The following AIG1 variants were observed in gnomAD, a reference collection of about 807,000 sequenced individuals.
The protein encoded by AIG1 is androgen induced 1, also known as androgen-induced gene 1 protein.
A neutral mutation model predicts 31.4 loss-of-function variants in AIG1; 23 were observed. The ratio of observed to expected loss-of-function variants is 0.73; its 90% CI spans 0.53 to 1.04. The LOEUF (loss-of-function observed/expected upper bound fraction) is 1.04, where lower values mean the gene tolerates loss of function less well. Among genes scored for constraint, AIG1 ranks in the 50% least tolerant of loss-of-function variants. The pLI, the probability that AIG1 is intolerant of heterozygous loss-of-function variation, is 0.00. For missense variants in AIG1, 274 were observed against 295.0 expected (o/e 0.93, Z 0.52); for synonymous variants, 100 against 110.5 (o/e 0.90, Z 0.60).
intron 1 of AIG1, among the ~76,000 whole-genome samples, chr6:143,109,586 C>A (rs1781095389): frequency 6.6e-6 from 1 of 152,048 alleles, no homozygotes; most frequent in Non-Finnish European, 1.5e-5. Context: ...ATTGGCTATG[C>A]AGTAATCTTT....
At chr6:143,142,126 A>G (rs1201773401) in intron 2 of AIG1, among the ~76,000 whole-genome samples, 1 of 151,988 alleles carries the variant, frequency 6.6e-6, no homozygotes, top group Admixed American at 6.6e-5. Flanking sequence ...CCCAGGCTGG[A>G]ATGTAGTGCA....
chr6:143,194,101 T>C (rs1458675796), intron 3 of AIG1, among the ~76,000 whole-genome samples: 2 of 152,188 alleles, frequency 1.3e-5, no homozygotes, highest in Non-Finnish European at 2.9e-5. Context: ...TAGTCCACTC[T>C]CACACTGCTA....
At chr6:143,103,856 C>T (rs1780561240) in intron 1 of AIG1, among the ~76,000 whole-genome samples, 1 of 152,122 alleles carries the variant, frequency 6.6e-6, no homozygotes, top group South Asian at 2.1e-4. Context: ...CTTAAAGGAG[C>T]ATTACCTGGG....
intron 3 of AIG1, among the ~76,000 whole-genome samples, chr6:143,194,799 G>A (rs971440164): frequency 2.0e-5 from 3 of 152,208 alleles, no homozygotes; most frequent in South Asian, 2.1e-4. Context: ...ATGCTGTCCC[G>A]CAGCAGCACC....
intron 4 of AIG1, among the ~76,000 whole-genome samples, chr6:143,324,935 T>A (rs546602620): frequency 6.6e-6 from 1 of 152,314 alleles, no homozygotes; most frequent in East Asian, 1.9e-4. Context: ...CAGAATAGGA[T>A]GAAATTTGGC....
In AIG1 at chr6:143,124,597, T is replaced by C. The variant is rs578018605; in HGVS notation, c.142-12238T>C. Among the ~76,000 whole-genome samples the C allele has an allele frequency of 5.3e-5, 8 of 152,312 alleles. No individual in the cohort carries two copies. The East Asian group carries it at 1.5e-3, about 29-fold the overall frequency. ...CACCTTTTCCAGTGAGGTCTTGTAT[T>C]AGTCTGTTCTCACACTGCTATGAAG... On this transcript the variant is annotated intron_variant, in intron 1 of 5. Transcript: ENST00000357847.
At chr6:143,314,048 GAAGA>G (rs1002929611) in intron 4 of AIG1, among the ~76,000 whole-genome samples, 10 of 151,634 alleles carry the variant, frequency 6.6e-5, no homozygotes, top group Admixed American at 5.9e-4. Context: ...TACAAACTGG[GAAGA>G]AAGAAAAAAT....
chr6:143,120,905 G>A (rs1455534573), intron 1 of AIG1, among the ~76,000 whole-genome samples: 3 of 152,190 alleles, frequency 2.0e-5, no homozygotes, highest in Non-Finnish European at 4.4e-5. Flanking sequence ...ATGAGGGCAA[G>A]GAACACCTGG....
At chr6:143,204,056 G>A (rs1790912596) in intron 3 of AIG1, among the ~76,000 whole-genome samples, 1 of 152,190 alleles carries the variant, frequency 6.6e-6, no homozygotes, top group Non-Finnish European at 1.5e-5. Context: ...CAGATTTGTA[G>A]ATAGAAGAAG....
At chr6:143,260,976 T>A (rs1660325456) in intron 3 of AIG1, among the ~76,000 whole-genome samples, 1 of 152,074 alleles carries the variant, frequency 6.6e-6, no homozygotes, top group African/African-American at 2.4e-5. Context: ...TGGTTTCAGC[T>A]CTTTAGCTGG....
At chr6:143,257,056 A>G (rs889965133) in intron 3 of AIG1, among the ~76,000 whole-genome samples, 5 of 152,248 alleles carry the variant, frequency 3.3e-5, no homozygotes, top group Non-Finnish European at 5.9e-5. Context: ...CATTTAAGAT[A>G]TCTTATGGCT....
intron 1 of AIG1, among the ~76,000 whole-genome samples, chr6:143,077,239 G>T (rs1056973377): frequency 1.3e-5 from 2 of 152,132 alleles, no homozygotes; most frequent in Non-Finnish European, 2.9e-5. Flanking sequence ...CAATAAATAT[G>T]TTAAAGAACT....
intron 1 of AIG1, among the ~76,000 whole-genome samples, chr6:143,123,709 T>C (rs1387857670): frequency 1.3e-5 from 2 of 152,214 alleles, no homozygotes; most frequent in South Asian, 2.1e-4. Context: ...TGGGCTACTT[T>C]CTATTTTTTG....
At chr6:143,287,753 A>C (rs1583746906) in intron 4 of AIG1, among the ~76,000 whole-genome samples, 2 of 151,436 alleles carry the variant, frequency 1.3e-5, no homozygotes, top group South Asian at 2.1e-4. Context: ...AAAAAAAAAA[A>C]AAAAAAAAAA....
rs1178961236 is a variant in AIG1 at position 143,291,355 on chromosome 6, C to G, written c.515+7130C>G. ...CAGCAGGAAACCATGGGGTGTGCTG[C>G]CCTGGACAGGAGCCAGGGGGTGTTA... On this transcript the variant is annotated intron_variant, in intron 4 of 5. Coordinates refer to ENST00000357847, the MANE Select transcript of AIG1 (RefSeq NM_016108.4). The surrounding 1 kb of genome is among the most constrained non-coding windows in gnomAD (Gnocchi z 4.2). Among the ~76,000 whole-genome samples, 1 of 152,088 alleles carries G rather than the reference C, an allele frequency of 6.6e-6. No individual in the cohort carries two copies. The highest frequency in any genetic ancestry group is 1.5e-5 in the Non-Finnish European group (1 of 68,010).
intron 1 of AIG1, among the ~76,000 whole-genome samples, chr6:143,066,419 C>A (rs1189822204): frequency 6.6e-6 from 1 of 151,948 alleles, no homozygotes; most frequent in Non-Finnish European, 1.5e-5. Context: ...ATTACAGGCA[C>A]CTGCCACCAC....
chr6:143,236,209 G>A (rs979098543), intron 3 of AIG1, among the ~76,000 whole-genome samples: 6 of 152,310 alleles, frequency 3.9e-5, no homozygotes, highest in African/African-American at 1.2e-4. Flanking sequence ...TGAGTTGAGC[G>A]CATACGGCTG....
chr6:143,106,893 G>A (rs961373679), intron 1 of AIG1, among the ~76,000 whole-genome samples: 1 of 152,182 alleles, frequency 6.6e-6, no homozygotes, highest in Non-Finnish European at 1.5e-5. Flanking sequence ...GACAGTGGAA[G>A]GGAGGAAGGC....
At chr6:143,124,289 C>G (rs1055665693) in intron 1 of AIG1, among the ~76,000 whole-genome samples, 2 of 152,184 alleles carry the variant, frequency 1.3e-5, no homozygotes, top group Non-Finnish European at 2.9e-5. Context: ...CAGCTGCTGC[C>G]CCACTCATCA....
Sources: gnomAD v4.1 joint callset for allele counts (sites outside exome capture counted in the v4.1 genomes callset) on GRCh38, gnomAD v4.1.1 for gene constraint, Gnocchi (gnomAD v3.1) non-coding constraint, MANE v1.5 for transcripts, NCBI Gene and HGNC (gene_info 2026-07-23, HGNC 2026-07-21) for gene names.